FAAH2: variants seen among roughly 807,000 people sequenced by gnomAD.
The protein encoded by FAAH2 is fatty acid amide hydrolase 2.
In FAAH2, 60 loss-of-function variants were observed where a neutral mutation model predicts 36.9. That is an observed-to-expected ratio of 1.63 (90% CI 1.32 to 2.02). The LOEUF is 2.02. FAAH2 is among the 30% of genes most tolerant of loss of function. FAAH2 has a pLI of 0.00. For synonymous variants in FAAH2, 214 were observed against 143.8 expected (o/e 1.49, Z -3.49); for missense variants, 689 against 397.5 (o/e 1.73, Z -6.23).
chrX:57,349,183 A>ATATACATATATATATACG (rs1569280897), intron 5 of FAAH2, among the ~76,000 whole-genome samples: 1 of 88,755 alleles, frequency 1.1e-5, no homozygotes, highest in East Asian at 3.4e-4. Context: ...ATATGTATAC[A>ATATACATATATATATACG]TATATGTATA....
intron 2 of FAAH2, among the ~76,000 whole-genome samples, chrX:57,303,813 C>G (rs909887268): frequency 8.9e-6 from 1 of 112,068 alleles, no homozygotes; most frequent in African/African-American, 3.2e-5. Flanking sequence ...CATAAGTAAG[C>G]TTCTAAAAAA....
At position 57,378,921 on chromosome X, in the gene FAAH2, A is replaced by G. The variant is rs1374807759; in HGVS notation, c.878+135A>G. On this transcript the variant is annotated intron_variant, in intron 6 of 10. Transcript: ENST00000374900. The stretch of plus-strand genomic sequence containing the variant: ...CAGGTTTTTATGAGAGAGCCTTTAT[A>G]TACTTATATAAGTGGATACCATGCT... 4.3e-6 allele frequency: 3 copies of G among 693,192 alleles called. No homozygotes were observed. The African/African-American group carries it at 6.6e-5, about 15-fold the overall frequency. The allele number at this position is 693,192 out of a possible 1,213,427, so 57.1% of individuals were successfully genotyped here.
At chrX:57,167,574 T>C in the FAAH2 span, among the ~76,000 whole-genome samples, 1 of 111,500 alleles carries the variant, frequency 9.0e-6, no homozygotes, top group Non-Finnish European at 1.9e-5. Context: ...TTGATTTTTT[T>C]TTGTCTTTTC....
At chrX:57,366,879 G>A (rs749633723) in intron 5 of FAAH2, among the ~76,000 whole-genome samples, 1 of 111,923 alleles carries the variant, frequency 8.9e-6, no homozygotes, top group South Asian at 3.7e-4. Flanking sequence ...TTCCAACAAA[G>A]GCTAGAGCTG....
the FAAH2 span, among the ~76,000 whole-genome samples, chrX:57,187,566 T>A: frequency 8.1e-5 from 9 of 111,226 alleles, no homozygotes; most frequent in East Asian, 2.0e-3. Flanking sequence ...TTTCTTTCTC[T>A]TGCCTGATTG....
At chrX:57,253,529 G>A in the FAAH2 span, among the ~76,000 whole-genome samples, 2 of 111,692 alleles carry the variant, frequency 1.8e-5, no homozygotes, top group African/African-American at 6.5e-5. Flanking sequence ...GAAAGGTCAG[G>A]TTACCCGCAA....
chrX:57,452,332 G>A (rs2056800138), intron 10 of FAAH2: 2 of 752,343 alleles, frequency 2.7e-6, no homozygotes, highest in Admixed American at 1.7e-4. Context: ...ATCATAACAT[G>A]CCACTCTCAA....
chrX:57,425,689 G>A (rs924182879), intron 7 of FAAH2, among the ~76,000 whole-genome samples: 12 of 111,374 alleles, frequency 1.1e-4, no homozygotes, highest in African/African-American at 3.6e-4. Context: ...GACTATACTC[G>A]TTCTACAGGA....
the FAAH2 span, among the ~76,000 whole-genome samples, chrX:57,263,303 A>C: frequency 8.9e-6 from 1 of 111,880 alleles, no homozygotes; most frequent in African/African-American, 3.2e-5. Flanking sequence ...ATATGCTAGG[A>C]ATGAACATGT....
At chrX:57,288,965 C>A (rs1434438525) in intron 1 of FAAH2, among the ~76,000 whole-genome samples, 1 of 111,015 alleles carries the variant, frequency 9.0e-6, no homozygotes, top group Non-Finnish European at 1.9e-5. Flanking sequence ...TTATTTATCC[C>A]TTAGTTTCTG....
intron 8 of FAAH2, among the ~76,000 whole-genome samples, chrX:57,441,241 T>G (rs181666350): frequency 2.3e-4 from 26 of 111,522 alleles, no homozygotes; most frequent in Admixed American, 2.1e-3. Flanking sequence ...GTTCTGGATT[T>G]TTTTTGTTGG....
At position 57,429,199 on chromosome X, in the gene FAAH2, C is replaced by T. The variant is rs374419949; in HGVS notation, c.997-2719C>T. Among the ~76,000 whole-genome samples, 420 of 109,321 alleles carry T rather than the reference C, an allele frequency of 3.8e-3. 4 individuals carry two copies. The highest frequency in any genetic ancestry group is 0.013 in the African/African-American group (378 of 30,086). The allele number at this position is 109,321 out of a possible 115,157, so 94.9% of individuals were successfully genotyped here. A position where few individuals can be genotyped will look rare whatever the true frequency, so the allele number is the denominator to read the frequency against. ...AAATACAAAAAAAAAATTAGCTGGGCGTGGTGGCGGGTGCCTGTAGTCCCA... is the reference window on the plus strand; with the variant it reads ...AAATACAAAAAAAAAATTAGCTGGGTGTGGTGGCGGGTGCCTGTAGTCCCA... On this transcript the variant is annotated intron_variant, in intron 7 of 10. Coordinates refer to ENST00000374900, the MANE Select transcript of FAAH2 (RefSeq NM_174912.4).
chrX:57,336,395 C>G (rs985942569), intron 4 of FAAH2, among the ~76,000 whole-genome samples: 1 of 111,495 alleles, frequency 9.0e-6, no homozygotes, highest in Non-Finnish European at 1.9e-5. Flanking sequence ...GTGAAATAAA[C>G]AGCTTTATTG....
chrX:57,155,301 G>T, the FAAH2 span, among the ~76,000 whole-genome samples: 1 of 111,643 alleles, frequency 9.0e-6, no homozygotes, highest in African/African-American at 3.3e-5. Flanking sequence ...AGGGTTAGGT[G>T]TGTCTGAGGT....
chrX:57,211,090 C>A, the FAAH2 span, among the ~76,000 whole-genome samples: 8 of 111,796 alleles, frequency 7.2e-5, no homozygotes, highest in South Asian at 2.6e-3. Flanking sequence ...TGAATGAAAT[C>A]AATAAAGAGC....
chrX:57,439,303 G>A (rs1200859924), intron 8 of FAAH2, among the ~76,000 whole-genome samples: 1 of 110,730 alleles, frequency 9.0e-6, no homozygotes, highest in Non-Finnish European at 1.9e-5. Context: ...TCTAAGTGGT[G>A]TGAGATGGTA....
chrX:57,352,138 G>A (rs777604267), intron 5 of FAAH2, among the ~76,000 whole-genome samples: 1 of 39,679 alleles, frequency 2.5e-5, no homozygotes, highest in African/African-American at 9.4e-5. Flanking sequence ...ATATATATGT[G>A]TATATATATG....
chrX:57,166,651 G>A, the FAAH2 span, among the ~76,000 whole-genome samples: 1 of 112,374 alleles, frequency 8.9e-6, no homozygotes, highest in Non-Finnish European at 1.9e-5. Context: ...TGGTCACTGG[G>A]CTAGCATTTC....
chrX:57,257,536 C>T, the FAAH2 span, among the ~76,000 whole-genome samples: 2 of 109,059 alleles, frequency 1.8e-5, no homozygotes. Flanking sequence ...CACACCATTG[C>T]CTGTCGGGGG....
Sources: allele counts gnomAD v4.1 joint callset (sites outside exome capture counted in the v4.1 genomes callset), GRCh38; gene constraint gnomAD v4.1.1; transcripts MANE v1.5; gene names NCBI Gene and HGNC (gene_info 2026-07-23, HGNC 2026-07-21).